Variants in PREX1 observed in about 807,000 individuals in gnomAD.
The protein encoded by PREX1 is phosphatidylinositol 3,4,5-trisphosphate-dependent Rac exchanger 1 protein.
A neutral mutation model predicts 198.3 loss-of-function variants in PREX1; 41 were observed. The observed-to-expected ratio is 0.21, with a 90% CI of 0.16 to 0.27. The LOEUF (loss-of-function observed/expected upper bound fraction) is 0.27, where lower values mean the gene tolerates loss of function less well. Among genes scored for constraint, PREX1 ranks in the 10% least tolerant of loss-of-function variants. PREX1 has a pLI of 1.00. For synonymous variants in PREX1, 843 were observed against 887.2 expected, an observed-to-expected ratio of 0.95 and a Z score of 0.89; for missense variants, 1,620 against 2,200.7, an observed-to-expected ratio of 0.74 and a Z score of 5.28.
chr20:48,851,439 G>A, the PREX1 span, among the ~76,000 whole-genome samples: 1 of 152,116 alleles, frequency 6.6e-6, no homozygotes, highest in Admixed American at 6.5e-5. Flanking sequence ...CCCAGGAGGT[G>A]GAGGTTGCAG....
chr20:48,648,086 T>TA (rs2089464518), intron 25 of PREX1, among the ~76,000 whole-genome samples: 1 of 152,090 alleles, frequency 6.6e-6, no homozygotes, highest in Non-Finnish European at 1.5e-5. Context: ...GATTTTTTTT[T>TA]TATAGAGATA....
At chr20:48,820,064 A>G (rs1420237693) in intron 1 of PREX1, among the ~76,000 whole-genome samples, 1 of 152,210 alleles carries the variant, frequency 6.6e-6, no homozygotes, top group Non-Finnish European at 1.5e-5. Context: ...CCTGGCCCAG[A>G]ATCAAGGGAT....
chr20:48,655,187 T>C, intron 19 of PREX1, 103 bp downstream of exon 19: 2 of 1,171,280 alleles, frequency 1.7e-6, no homozygotes, highest in Non-Finnish European at 2.4e-6. Flanking sequence ...GATGGTACAT[T>C]GTCTGGCAGA....
the PREX1 span, among the ~76,000 whole-genome samples, chr20:48,869,071 C>T: frequency 1.3e-5 from 2 of 151,890 alleles, no homozygotes; most frequent in Non-Finnish European, 2.9e-5. Flanking sequence ...ATGGGGGTCT[C>T]ACTATGTCAC....
chr20:48,661,966 G>C (rs537636858), intron 15 of PREX1, among the ~76,000 whole-genome samples: 12 of 152,326 alleles, frequency 7.9e-5, no homozygotes, highest in Middle Eastern at 3.4e-3. Context: ...GTGGGTGCCT[G>C]AAACAAGGGA....
chr20:48,796,072 C>T (rs186038573), intron 1 of PREX1, among the ~76,000 whole-genome samples: 8 of 152,276 alleles, frequency 5.3e-5, no homozygotes, highest in South Asian at 4.1e-4. Flanking sequence ...GGTAGGTTAC[C>T]TCATCCACAA....
At chr20:48,720,169 T>G (rs931290945) in intron 5 of PREX1, among the ~76,000 whole-genome samples, 1 of 152,190 alleles carries the variant, frequency 6.6e-6, no homozygotes, top group African/African-American at 2.4e-5. Context: ...GCTCAAATGT[T>G]TCCTTCTCAG....
chr20:48,751,704 T>C (rs2090135002), intron 1 of PREX1, among the ~76,000 whole-genome samples: 1 of 152,108 alleles, frequency 6.6e-6, no homozygotes, highest in South Asian at 2.1e-4. Flanking sequence ...AAGCCTCCCT[T>C]AGACACAATA....
chr20:48,714,497 C>T (rs1453731509), intron 5 of PREX1, among the ~76,000 whole-genome samples: 1 of 152,070 alleles, frequency 6.6e-6, no homozygotes, highest in Non-Finnish European at 1.5e-5. Flanking sequence ...CACAAATGTC[C>T]AATAAGCAGA....
intron 15 of PREX1, among the ~76,000 whole-genome samples, chr20:48,661,692 G>A (rs2085080522): frequency 1.3e-5 from 2 of 151,278 alleles, no homozygotes; most frequent in Admixed American, 6.6e-5. Context: ...CAGGCACACT[G>A]GGGAGGCATG....
chr20:48,886,296 C>T, the PREX1 span, among the ~76,000 whole-genome samples: 6 of 152,166 alleles, frequency 3.9e-5, no homozygotes, highest in African/African-American at 1.4e-4. Flanking sequence ...CGTGGTAAGG[C>T]CAGTCACACG....
chr20:48,722,815 CA>C (rs1314150147), intron 5 of PREX1, among the ~76,000 whole-genome samples: 3 of 152,254 alleles, frequency 2.0e-5, no homozygotes, highest in Non-Finnish European at 2.9e-5. Context: ...CTGCAGGGCC[CA>C]GCCCAAGTCT....
At chr20:48,724,508 G>A (rs1260900033) in intron 5 of PREX1, among the ~76,000 whole-genome samples, 1 of 152,174 alleles carries the variant, frequency 6.6e-6, no homozygotes, top group African/African-American at 2.4e-5. Flanking sequence ...TCTCATCCAG[G>A]GGTCAGCACA....
chr20:48,643,880 T>C (rs903443684), intron 27 of PREX1, among the ~76,000 whole-genome samples: 1 of 152,210 alleles, frequency 6.6e-6, no homozygotes, highest in African/African-American at 2.4e-5. Flanking sequence ...TTTCACCATG[T>C]TGGCCAGGCT....
chr20:48,708,649 T>C (rs2089914788), intron 5 of PREX1, among the ~76,000 whole-genome samples: 1 of 152,100 alleles, frequency 6.6e-6, no homozygotes, highest in Non-Finnish European at 1.5e-5. Flanking sequence ...GGAAGCATTG[T>C]TTCACAAGGA....
rs6122712 is a variant in PREX1, at chr20:48,671,399, T to G, written c.1665+4794A>C. Among the ~76,000 whole-genome samples, 352 of 152,340 alleles carry G rather than the reference T, an allele frequency of 2.3e-3. 3 individuals are homozygous for G. Among genetic ancestry groups the G allele is most frequent in the African/African-American group, 8.2e-3 (341 of 41,584 alleles). On this transcript the variant is annotated intron_variant, in intron 14 of 39. Coordinates refer to ENST00000371941, the MANE Select transcript of PREX1 (RefSeq NM_020820.4). ...GATAGCAGAACAGAAAGGCAGGAGA[T>G]GCCTGGGTACAGACGGCATTGTTGA...
chr20:48,878,875 T>G, the PREX1 span, among the ~76,000 whole-genome samples: 1 of 152,168 alleles, frequency 6.6e-6, no homozygotes, highest in East Asian at 1.9e-4. Context: ...TGATTAGAAA[T>G]GAAAAGCTTT....
intron 22 of PREX1, 110 bp downstream of exon 22, chr20:48,651,286 G>T: frequency 6.9e-7 from 1 of 1,444,896 alleles, no homozygotes. Flanking sequence ...GGCTAAGCCT[G>T]AGGAAATGGG....
At chr20:48,856,540 C>T in the PREX1 span, among the ~76,000 whole-genome samples, 1 of 152,316 alleles carries the variant, frequency 6.6e-6, no homozygotes, top group South Asian at 2.1e-4. Flanking sequence ...AAGTTCCTGC[C>T]AGAGCCCCAG....
Sources: gnomAD v4.1 joint callset for allele counts (sites outside exome capture counted in the v4.1 genomes callset) on GRCh38, gnomAD v4.1.1 for gene constraint, MANE v1.5 for transcripts, NCBI Gene and HGNC (gene_info 2026-07-23, HGNC 2026-07-21) for gene names.